PEPD: variants seen among roughly 807,000 people sequenced by gnomAD.
PEPD encodes peptidase D.
Under a neutral mutation model 60.7 loss-of-function variants are expected in PEPD, and 53 were observed. That is an observed-to-expected ratio of 0.87 (90% CI 0.70 to 1.10). PEPD has a LOEUF of 1.10. Among genes scored for constraint, PEPD ranks in the 50% least tolerant of loss-of-function variants. The probability of loss-of-function intolerance (pLI) is 0.00; values close to 1 mark genes in which losing one functional copy is unlikely to be tolerated. For missense variants in PEPD, 711 were observed against 711.9 expected (o/e 1.00, Z 0.01); for synonymous variants, 267 against 284.1 (o/e 0.94, Z 0.60).
chr19:33,441,387 T>C (rs889009355), intron 9 of PEPD, among the ~76,000 whole-genome samples: 7 of 152,204 alleles, frequency 4.6e-5, no homozygotes, highest in African/African-American at 1.7e-4. Context: ...CGATAACCAC[T>C]GGGCTATCAG....
intron 9 of PEPD, among the ~76,000 whole-genome samples, chr19:33,442,257 G>C (rs929623792): frequency 3.7e-4 from 56 of 152,152 alleles, no homozygotes; most frequent in African/African-American, 1.3e-3. Flanking sequence ...AAAATTAGCC[G>C]GGCATGGTGG....
chr19:33,439,807 C>T (rs763738364), intron 9 of PEPD, among the ~76,000 whole-genome samples: 8 of 152,158 alleles, frequency 5.3e-5, no homozygotes, highest in Non-Finnish European at 1.0e-4. Context: ...CAGGGTGCTG[C>T]CACCCTTAAG....
chr19:33,512,798 C>T, intron 1 of PEPD, 22 bp from the exon 2 acceptor site: 1 of 1,613,348 alleles, frequency 6.2e-7, no homozygotes, highest in Non-Finnish European at 8.5e-7. Context: ...AGAGCACACA[C>T]CGCCACACAG....
chr19:33,490,084 A>G lies in PEPD; in HGVS notation c.442-27T>C, dbSNP rs759268345. ...TGGGGAGAGAGAACACAGACATGACACACGGGGCCGCATGGCGCCCCCACA... is the reference window on the plus strand; with the variant it reads ...TGGGGAGAGAGAACACAGACATGACGCACGGGGCCGCATGGCGCCCCCACA... On this transcript the variant is annotated intron_variant, in intron 5 of 14. Transcript: ENST00000244137. 8 of 1,584,068 alleles carry G rather than the reference A, an allele frequency of 5.1e-6. No homozygotes were observed. The East Asian group carries it at 1.8e-4, about 35-fold the overall frequency.
chr19:33,485,873 G>A (rs961505135), intron 6 of PEPD, among the ~76,000 whole-genome samples: 1 of 151,796 alleles, frequency 6.6e-6, no homozygotes, highest in African/African-American at 2.4e-5. Flanking sequence ...AGGAAACGGA[G>A]CCCCTGTCAC....
intron 9 of PEPD, among the ~76,000 whole-genome samples, chr19:33,415,148 C>T (rs141320970): frequency 9.2e-5 from 14 of 152,288 alleles, no homozygotes; most frequent in Admixed American, 2.6e-4. Context: ...TGACCCACGC[C>T]GTGGAACAGG....
At chr19:33,471,519 G>A (rs796391458) in intron 7 of PEPD, among the ~76,000 whole-genome samples, 14 of 152,266 alleles carry the variant, frequency 9.2e-5, no homozygotes, top group African/African-American at 2.4e-4. Context: ...CCCAGCCTCC[G>A]TGGGTCCACC....
intron 9 of PEPD, among the ~76,000 whole-genome samples, chr19:33,427,655 C>T (rs1326661937): frequency 1.3e-5 from 2 of 152,182 alleles, no homozygotes; most frequent in East Asian, 3.9e-4. Flanking sequence ...GATGATTAAA[C>T]TGGTTTTTAA....
At chr19:33,498,051 C>T (rs1970640525) in intron 4 of PEPD, among the ~76,000 whole-genome samples, 1 of 151,980 alleles carries the variant, frequency 6.6e-6, no homozygotes, top group Admixed American at 6.5e-5. Flanking sequence ...ACAGTCCCTG[C>T]CCCGCTGTGT....
intron 6 of PEPD, among the ~76,000 whole-genome samples, chr19:33,488,738 T>C (rs933029427): frequency 6.6e-6 from 1 of 152,076 alleles, no homozygotes; most frequent in African/African-American, 2.4e-5. Flanking sequence ...AGGTGATACA[T>C]ATTCATGAGC....
chr19:33,500,215 C>T (rs941787243), intron 4 of PEPD, among the ~76,000 whole-genome samples: 33 of 152,332 alleles, frequency 2.2e-4, no homozygotes, highest in African/African-American at 7.7e-4. Context: ...GTTGTGACAG[C>T]GCCCAGGGCC....
chr19:33,434,392 G>A (rs933593495), intron 9 of PEPD, among the ~76,000 whole-genome samples: 2 of 152,130 alleles, frequency 1.3e-5, no homozygotes, highest in Admixed American at 6.5e-5. Context: ...GTGTAACGGC[G>A]ATGGTTCTAG....
chr19:33,410,549 C>G (rs1751404969), intron 11 of PEPD, among the ~76,000 whole-genome samples: 1 of 152,300 alleles, frequency 6.6e-6, no homozygotes, highest in East Asian at 1.9e-4. Context: ...GGGGTCCAGG[C>G]CGGTGAGCAG....
At chr19:33,435,731 C>G (rs117626150) in intron 9 of PEPD, among the ~76,000 whole-genome samples, 1 of 152,230 alleles carries the variant, frequency 6.6e-6, no homozygotes, top group Non-Finnish European at 1.5e-5. Flanking sequence ...TTCTCAATCA[C>G]GACAGGACTG....
chr19:33,494,208 C>A (rs1357868255), intron 4 of PEPD, among the ~76,000 whole-genome samples: 2 of 152,182 alleles, frequency 1.3e-5, no homozygotes, highest in African/African-American at 4.8e-5. Flanking sequence ...CTGAGCACCC[C>A]CTGGGCAGAG....
intron 6 of PEPD, among the ~76,000 whole-genome samples, chr19:33,482,275 A>G (rs1970325359): frequency 6.6e-6 from 1 of 152,228 alleles, no homozygotes; most frequent in Non-Finnish European, 1.5e-5. Context: ...GGAATACAAG[A>G]TTCCTTCAAC....
In PEPD at chr19:33,418,606, C is replaced by T. The variant is rs183399778; in HGVS notation, c.672-4963G>A. Among the ~76,000 whole-genome samples, 335 of 152,378 alleles carry T rather than the reference C, an allele frequency of 2.2e-3. 1 individual carries two copies. The highest frequency in any genetic ancestry group is 0.01 in the Middle Eastern group (3 of 294). ...GGCGCCCAAGCCCTACCCTTGGAAT[C>T]GCCGCCTGGGTGGCACCAGCGACCT... On this transcript the variant is annotated intron_variant, in intron 9 of 14. Transcript: ENST00000244137.
Position 33,511,163 on chromosome 19 carries a change from G to T in PEPD, c.202-8C>A, listed in dbSNP as rs200877243. On this transcript the variant is annotated splice_region_variant and splice_polypyrimidine_tract_variant and intron_variant, in intron 2 of 14. Coordinates refer to ENST00000244137, the MANE Select transcript of PEPD (RefSeq NM_000285.4). Reference sequence around the variant, plus strand: ...CCAGTGAAAGAAGGACTCCTGTGGCGGGAACAAGAACTATTGTTAGCCAGT... The same window carrying T: ...CCAGTGAAAGAAGGACTCCTGTGGCTGGAACAAGAACTATTGTTAGCCAGT... The T allele has an allele frequency of 1.9e-6, 3 of 1,613,844 alleles. No homozygotes were observed. Among genetic ancestry groups the T allele is most frequent in the Admixed American group, 3.3e-5 (2 of 60,006 alleles).
At chr19:33,478,597 G>C (rs1237657175) in intron 6 of PEPD, among the ~76,000 whole-genome samples, 1 of 151,814 alleles carries the variant, frequency 6.6e-6, no homozygotes, top group Non-Finnish European at 1.5e-5. Context: ...CACTTACAAG[G>C]GATCCTCAAT....
Sources: gnomAD v4.1 joint callset for allele counts (sites outside exome capture counted in the v4.1 genomes callset) on GRCh38, gnomAD v4.1.1 for gene constraint, MANE v1.5 for transcripts, NCBI Gene and HGNC (gene_info 2026-07-23, HGNC 2026-07-21) for gene names.